CLDN10: variants seen among roughly 807,000 people sequenced by gnomAD.
The protein encoded by CLDN10 is claudin 10.
Under a neutral mutation model 22.9 loss-of-function variants are expected in CLDN10, and 15 were observed. That is an observed-to-expected ratio of 0.65 (90% CI 0.44 to 1.01). The LOEUF is 1.01. Ranked by LOEUF, CLDN10 falls within the 50% of genes least tolerant of loss-of-function variation. The pLI, the probability that CLDN10 is intolerant of heterozygous loss-of-function variation, is 0.00. For missense variants in CLDN10, 247 were observed against 287.8 expected (o/e 0.86, Z 1.03); for synonymous variants, 114 against 111.4 (o/e 1.02, Z -0.15).
chr13:95,496,091 T>G (rs1251794149), intron 1 of CLDN10, among the ~76,000 whole-genome samples: 1 of 152,238 alleles, frequency 6.6e-6, no homozygotes, highest in Admixed American at 6.5e-5. Flanking sequence ...TTCCCACATG[T>G]TGGATACGGC....
chr13:95,574,432 T>C (rs568211967), intron 3 of CLDN10, among the ~76,000 whole-genome samples: 1 of 152,346 alleles, frequency 6.6e-6, no homozygotes, highest in East Asian at 1.9e-4. Context: ...CAAATGGAAA[T>C]GATTTTTTCC....
chr13:95,466,201 G>C (rs1310629180), intron 1 of CLDN10, among the ~76,000 whole-genome samples: 1 of 151,908 alleles, frequency 6.6e-6, no homozygotes, highest in African/African-American at 2.4e-5. Flanking sequence ...GATTCGGTTT[G>C]CTATTACTTT....
In CLDN10 at chr13:95,501,181, T is replaced by A. The variant is rs569519576; in HGVS notation, c.215-58951T>A. Among the ~76,000 whole-genome samples, 16 of 152,090 alleles carry A rather than the reference T, an allele frequency of 1.1e-4. No homozygotes were observed. In the South Asian group the frequency reaches 3.1e-3, roughly 30 times the overall value. On this transcript the variant is annotated intron_variant, in intron 1 of 4. Transcript: ENST00000376873. ...AGTTCATGCCACCACGCCTCGCTAA[T>A]TTTTGTATTTTTAGTAGAGACAGGG...
chr13:95,537,338 T>C (rs1451006205), intron 1 of CLDN10, among the ~76,000 whole-genome samples: 1 of 152,174 alleles, frequency 6.6e-6, no homozygotes, highest in African/African-American at 2.4e-5. Flanking sequence ...CATAATTCAA[T>C]GAATACCCAG....
At chr13:95,462,621 A>ACCACTT in intron 1 of CLDN10, among the ~76,000 whole-genome samples, 1 of 152,094 alleles carries the variant, frequency 6.6e-6, no homozygotes. Context: ...GGGCCTGGGG[A>ACCACTT]CCACTTGGCA....
At chr13:95,529,168 C>T (rs1264535421) in intron 1 of CLDN10, among the ~76,000 whole-genome samples, 2 of 151,444 alleles carry the variant, frequency 1.3e-5, no homozygotes, top group Non-Finnish European at 2.9e-5. Flanking sequence ...ATAAATTTAC[C>T]TATAATTTCT....
At chr13:95,477,341 T>C (rs1480380607) in intron 1 of CLDN10, among the ~76,000 whole-genome samples, 1 of 152,138 alleles carries the variant, frequency 6.6e-6, no homozygotes, top group Non-Finnish European at 1.5e-5. Context: ...GCTGTTCCTA[T>C]TTGTCAGATA....
At chr13:95,556,271 C>G (rs2043638510) in intron 1 of CLDN10, among the ~76,000 whole-genome samples, 1 of 152,124 alleles carries the variant, frequency 6.6e-6, no homozygotes, top group Non-Finnish European at 1.5e-5. Context: ...GTCTTGAACT[C>G]CTGACCTCAA....
intron 1 of CLDN10, among the ~76,000 whole-genome samples, chr13:95,512,079 G>C (rs1294878362): frequency 8.1e-6 from 1 of 123,218 alleles, no homozygotes; most frequent in East Asian, 2.5e-4. Context: ...TAAGACCAAT[G>C]ATATAACTAG....
chr13:95,516,085 GA>G (rs66525918), intron 1 of CLDN10, among the ~76,000 whole-genome samples: 59,828 of 142,922 alleles, frequency 0.42, 12,285 homozygotes, highest in African/African-American at 0.5. Flanking sequence ...AAGAAAAAAA[GA>G]AAAAAAAAAA....
chr13:95,495,612 C>T (rs1357858100), intron 1 of CLDN10, among the ~76,000 whole-genome samples: 13 of 151,404 alleles, frequency 8.6e-5, no homozygotes, highest in Middle Eastern at 3.4e-3. Context: ...GGCATAGTGG[C>T]GCGCGCCTGT....
chr13:95,561,596 T>A (rs182751263), intron 3 of CLDN10, among the ~76,000 whole-genome samples: 6 of 152,314 alleles, frequency 3.9e-5, no homozygotes, highest in Admixed American at 3.9e-4. Context: ...AGTGATGTGT[T>A]CAAGGGAACT....
intron 1 of CLDN10, among the ~76,000 whole-genome samples, chr13:95,556,849 G>A (rs187403247): frequency 7.2e-5 from 11 of 152,290 alleles, no homozygotes; most frequent in Non-Finnish European, 1.5e-4. Flanking sequence ...GGATGTTTTC[G>A]TTTTTTGCTG....
In CLDN10 at chr13:95,563,226, GAGAGAGAGAT is replaced by G. The variant is rs772789255; in HGVS notation, c.464+2767_464+2776del. Among the ~76,000 whole-genome samples the G allele has an allele frequency of 4.1e-3, 622 of 152,064 alleles. 1 individual carries two copies. The highest frequency in any genetic ancestry group is 9.5e-3 in the African/African-American group (394 of 41,458). On this transcript the variant is annotated intron_variant, in intron 3 of 4. Transcript: ENST00000299339. ...TTAAGAGAGGAGAGAGAGAGAGAGA[GAGAGAGAGAT>G]AGATGTGATTGGCACAGAGCAAACA...
intron 1 of CLDN10, among the ~76,000 whole-genome samples, chr13:95,524,680 A>G (rs898089579): frequency 1.3e-5 from 2 of 151,204 alleles, no homozygotes; most frequent in African/African-American, 4.9e-5. Flanking sequence ...CCAAGAAGAT[A>G]ATAATTGCTG....
intron 1 of CLDN10, among the ~76,000 whole-genome samples, chr13:95,438,980 A>G (rs1378110565): frequency 9.3e-6 from 1 of 107,084 alleles, no homozygotes; most frequent in East Asian, 3.8e-4. Flanking sequence ...CATCGCAAAA[A>G]AAAAAAAAAA....
At chr13:95,501,939 A>G (rs2042989823) in intron 1 of CLDN10, among the ~76,000 whole-genome samples, 1 of 152,126 alleles carries the variant, frequency 6.6e-6, no homozygotes, top group Non-Finnish European at 1.5e-5. Context: ...TCTTTTAGCT[A>G]TACTTCTTGG....
chr13:95,573,717 TTGTG>T (rs34469647), intron 3 of CLDN10, among the ~76,000 whole-genome samples: 1,939 of 147,808 alleles, frequency 0.013, 41 homozygotes, highest in African/African-American at 0.04. Context: ...TTATTTTTAT[TTGTG>T]TGTGTGTGTG....
intron 1 of CLDN10, among the ~76,000 whole-genome samples, chr13:95,513,770 G>A (rs1207011029): frequency 6.9e-6 from 1 of 145,944 alleles, no homozygotes; most frequent in Non-Finnish European, 1.6e-5. Context: ...AATTTTCACT[G>A]TAATCTCTGT....
Sources: gnomAD v4.1 joint callset for allele counts (sites outside exome capture counted in the v4.1 genomes callset) on GRCh38, gnomAD v4.1.1 for gene constraint, MANE v1.5 for transcripts, NCBI Gene and HGNC (gene_info 2026-07-23, HGNC 2026-07-21) for gene names.